HLA-DPB1: variants seen among roughly 807,000 people sequenced by gnomAD.
The protein encoded by HLA-DPB1 is major histocompatibility complex, class II, DP beta 1.
A neutral mutation model predicts 29.4 loss-of-function variants in HLA-DPB1; 30 were observed. The ratio of observed to expected loss-of-function variants is 1.02; its 90% CI spans 0.76 to 1.38. HLA-DPB1 has a LOEUF of 1.38. Ranked by LOEUF, HLA-DPB1 falls within the 40% of genes most tolerant of loss-of-function variation. The probability of loss-of-function intolerance (pLI) is 0.00; values close to 1 mark genes in which losing one functional copy is unlikely to be tolerated. For synonymous variants in HLA-DPB1, 114 were observed against 134.0 expected (o/e 0.85, Z 1.03); for missense variants, 261 against 327.5 (o/e 0.80, Z 1.57).
At position 33,080,955 on chromosome 6, in the gene HLA-DPB1, C is replaced by T. The variant is rs1330713548; in HGVS notation, c.364+20C>T. On this transcript the variant is annotated intron_variant, in intron 2 of 5. Transcript: ENST00000418931. The surrounding 1 kb of genome is among the most constrained non-coding windows in gnomAD (Gnocchi z 4.3). ...GCCGAGGTGAGTGAGGGCTTTGGGC[C>T]GGCGGTCCCAGGGCAGCCCCGCGGG... The T allele has an allele frequency of 6.4e-7, 1 of 1,560,738 alleles. No homozygotes were observed. Among genetic ancestry groups the T allele is most frequent in the Non-Finnish European group, 8.7e-7 (1 of 1,155,722 alleles).
intron 1 of HLA-DPB1, among the ~76,000 whole-genome samples, chr6:33,078,923 A>C (rs1762695853): frequency 6.6e-6 from 1 of 152,158 alleles, no homozygotes; most frequent in African/African-American, 2.4e-5. Flanking sequence ...GAGGAGGAGG[A>C]ATCTGGACTC....
intron 1 of HLA-DPB1, chr6:33,079,752 C>T (rs1762737488): frequency 2.0e-6 from 1 of 499,510 alleles, no homozygotes; most frequent in African/African-American, 2.0e-5. Flanking sequence ...GCTGAGATCG[C>T]TCACAAAATT....
intron 2 of HLA-DPB1, among the ~76,000 whole-genome samples, chr6:33,081,729 G>A (rs1370434722): frequency 4.6e-5 from 7 of 152,124 alleles, no homozygotes; most frequent in African/African-American, 1.2e-4. Context: ...CATCCTCCTC[G>A]GGGCTGAGAT....
chr6:33,086,324 C>T lies in HLA-DPB1; in HGVS notation c.*4+82C>T, dbSNP rs554517728. ...TTCTGTGCATTGTAACACTGAGGCT[C>T]CTCCAGGAAGGGAATCTCAGGCATG... On this transcript the variant is annotated intron_variant, in intron 5 of 5. Coordinates refer to ENST00000418931, the MANE Select transcript of HLA-DPB1 (RefSeq NM_002121.6). 2.4e-5 allele frequency: 26 copies of T among 1,097,380 alleles called. No individual in the cohort carries two copies. In the East Asian group the frequency reaches 5.0e-4, roughly 21 times the overall value. 68.0% of individuals were successfully genotyped at this position (1,097,380 alleles called of 1,614,324 possible). A position where few individuals can be genotyped will look rare whatever the true frequency, so the allele number is the denominator to read the frequency against.
chr6:33,086,422 AG>A (rs763367374), intron 5 of HLA-DPB1, 116 bp from the exon 6 acceptor site: 15 of 727,618 alleles, frequency 2.1e-5, no homozygotes, highest in Non-Finnish European at 3.6e-5. Flanking sequence ...TGAAGGAAGC[AG>A]AGATCAACTC....
Position 33,085,111 on chromosome 6 carries a change from C to G in HLA-DPB1, c.526C>G (p.Arg176Gly). Reference sequence around the variant, plus strand: ...TGGGGTCGTGTCCACCAACCTGATCCGTAATGGAGACTGGACCTTCCAGAT... The same window carrying G: ...TGGGGTCGTGTCCACCAACCTGATCGGTAATGGAGACTGGACCTTCCAGAT... ...TAGVVSTNLI[R>G]NGDWTFQILV... Residue 176 changes from arginine to glycine, a missense_variant, in exon 3 of 6, where the codon CGT becomes GGT. Physicochemically the swap from Arg to Gly is moderately radical, Grantham distance 125. Transcript: ENST00000418931. 3 of 1,613,908 alleles carry G rather than the reference C, an allele frequency of 1.9e-6. No homozygotes were observed. Among genetic ancestry groups the G allele is most frequent in the Non-Finnish European group, 2.5e-6 (3 of 1,179,998 alleles).
At position 33,086,645 on chromosome 6, in the gene HLA-DPB1, G is replaced by A. The variant is rs1763122562; in HGVS notation, c.*111G>A. On this transcript the variant is annotated 3_prime_UTR_variant, in exon 6 of 6. Transcript: ENST00000418931. ...ACCTTCAACTTCCAAATTGGATACTGCTGCCAAGAAGTTGCTCTGAAGTCA... is the reference window on the plus strand; with the variant it reads ...ACCTTCAACTTCCAAATTGGATACTACTGCCAAGAAGTTGCTCTGAAGTCA... 4.0e-6 allele frequency: 2 copies of A among 495,536 alleles called. No individual in the cohort carries two copies. Among genetic ancestry groups the A allele is most frequent in the South Asian group, 3.3e-5 (2 of 60,536 alleles). The allele number at this position is 495,536 out of a possible 1,614,324, so 30.7% of individuals were successfully genotyped here.
intron 4 of HLA-DPB1, 112 bp from the exon 5 acceptor site, chr6:33,086,107 C>T (rs571934354): frequency 2.7e-5 from 27 of 1,012,984 alleles, no homozygotes; most frequent in East Asian, 2.4e-4. Flanking sequence ...CAGGCTCCTG[C>T]GGAGCGTCCA....
At chr6:33,081,908 T>A (rs1762886200) in intron 2 of HLA-DPB1, 1 of 152,474 alleles carries the variant, frequency 6.6e-6, no homozygotes, top group South Asian at 2.1e-4. Flanking sequence ...TTTGGCTTCC[T>A]CCTGTGAACT....
Position 33,084,953 on chromosome 6 carries a change from A to G in HLA-DPB1, c.368A>G (p.Gln123Arg). The G allele has an allele frequency of 6.4e-7, 1 of 1,562,744 alleles. No individual in the cohort carries two copies. Among genetic ancestry groups the G allele is most frequent in the Non-Finnish European group, 8.8e-7 (1 of 1,139,176 alleles). Residue 123 changes from glutamine to arginine, a missense_variant, in exon 3 of 6, where the codon CAG (glutamine) becomes CGG (arginine). Physicochemically the swap from Gln to Arg is conservative, Grantham distance 43. Transcript: ENST00000418931. ...GGPMTLQRRV[Q>R]PRVNVSPSKK... is the part of the protein sequence containing the mutation. ...TATTTTTCTTCCACGCTCCTAGTCC[A>G]GCCTAGGGTGAATGTTTCCCCCTCC...
At position 33,080,139 on chromosome 6, in the gene HLA-DPB1, C is replaced by A; in HGVS notation, c.101-533C>A. Among the ~76,000 whole-genome samples, 1 of 152,128 alleles carries A rather than the reference C, an allele frequency of 6.6e-6. No homozygotes were observed. The highest frequency in any genetic ancestry group is 1.9e-4 in the East Asian group (1 of 5,196). ...TCTCCTACATGCAAAACAACAGGAG[C>A]AAGTTGAGGAATTCTCAAGAAACTG... is the stretch of plus-strand genomic sequence containing the variant. On this transcript the variant is annotated intron_variant, in intron 1 of 5. Transcript: ENST00000418931. This position sits in a 1 kb window ranked among gnomAD's most constrained non-coding sequence, Gnocchi z 4.3.
At chr6:33,076,847 C>T (rs1391807439) in intron 1 of HLA-DPB1, among the ~76,000 whole-genome samples, 1 of 152,060 alleles carries the variant, frequency 6.6e-6, no homozygotes, top group Non-Finnish European at 1.5e-5. Flanking sequence ...TTCCTGCTGC[C>T]TCCCTGTGGC....
At chr6:33,081,180 C>T in intron 2 of HLA-DPB1, 1 of 523,628 alleles carries the variant, frequency 1.9e-6, no homozygotes, top group Non-Finnish European at 3.3e-6. Context: ...TCAGGCCTGG[C>T]AGCTGACTGC....
rs1007029397 is a variant in HLA-DPB1 at position 33,086,534 on chromosome 6, C to A, written c.*5-5C>A. On this transcript the variant is annotated splice_region_variant and splice_polypyrimidine_tract_variant and intron_variant, in intron 5 of 5. Coordinates refer to ENST00000418931, the MANE Select transcript of HLA-DPB1 (RefSeq NM_002121.6). ...CCTGGGATAACTTGTCTTTTACCCC[C>A]ACAGGGTTCCTGAGCTCACTGAAAA... 1.2e-4 allele frequency: 79 copies of A among 656,962 alleles called. 1 individual carries two copies. In the Middle Eastern group the frequency reaches 1.2e-3, roughly 10 times the overall value. The allele number at this position is 656,962 out of a possible 1,614,324, so 40.7% of individuals were successfully genotyped here. A position where few individuals can be genotyped will look rare whatever the true frequency, so the allele number is the denominator to read the frequency against.
Position 33,080,639 on chromosome 6 carries a change from G to A in HLA-DPB1, c.101-33G>A. ...GGAGAAAGAGGATTAGATGAGAGTG[G>A]CGCCTCCGCTCATGTCCGCCCCCTC... On this transcript the variant is annotated intron_variant, in intron 1 of 5. Coordinates refer to ENST00000418931, the MANE Select transcript of HLA-DPB1 (RefSeq NM_002121.6). The surrounding 1 kb of genome is among the most constrained non-coding windows in gnomAD (Gnocchi z 4.3). 6.2e-7 allele frequency: 1 copy of A among 1,611,634 alleles called. No homozygotes were observed. Among genetic ancestry groups the A allele is most frequent in the Non-Finnish European group, 8.5e-7 (1 of 1,178,826 alleles).
rs1005656242 is a variant in HLA-DPB1 at position 33,080,169 on chromosome 6, A to G, written c.101-503A>G. On this transcript the variant is annotated intron_variant, in intron 1 of 5. Transcript: ENST00000418931. This position sits in a 1 kb window ranked among gnomAD's most constrained non-coding sequence, Gnocchi z 4.3. ...TGAGGAATTCTCAAGAAACTGGTCG[A>G]GAAGAGAGAGCGCTTAGCTATGGAA... Among the ~76,000 whole-genome samples, 1 of 152,188 alleles carries G rather than the reference A, an allele frequency of 6.6e-6. No individual in the cohort carries two copies. The highest frequency in any genetic ancestry group is 3.2e-3 in the Middle Eastern group (1 of 316).
At chr6:33,086,031 C>A in intron 4 of HLA-DPB1, 142 bp downstream of exon 4, 2 of 771,950 alleles carry the variant, frequency 2.6e-6, no homozygotes, top group Non-Finnish European at 4.4e-6. Flanking sequence ...CAAACATGAC[C>A]TATAGCGAGA....
intron 2 of HLA-DPB1, among the ~76,000 whole-genome samples, chr6:33,081,541 T>G (rs1249620945): frequency 6.6e-6 from 1 of 151,958 alleles, no homozygotes; most frequent in Non-Finnish European, 1.5e-5. Flanking sequence ...GAGAAGAGTC[T>G]TGGAAGCTGA....
chr6:33,086,003 T>G, intron 4 of HLA-DPB1, 114 bp downstream of exon 4: 3 of 784,460 alleles, frequency 3.8e-6, no homozygotes, highest in Non-Finnish European at 4.2e-6. Context: ...AGGCCACTGA[T>G]ATCAGATAAT....
Sources: allele counts gnomAD v4.1 joint callset (sites outside exome capture counted in the v4.1 genomes callset), GRCh38; gene constraint gnomAD v4.1.1; non-coding constraint Gnocchi (gnomAD v3.1); transcripts MANE v1.5; gene names NCBI Gene and HGNC (gene_info 2026-07-23, HGNC 2026-07-21).